Variants in KCNG3 observed in about 807,000 individuals in gnomAD.
KCNG3 encodes voltage-gated potassium channel regulatory subunit KCNG3.
Under a neutral mutation model 29.0 loss-of-function variants are expected in KCNG3, and 15 were observed. The observed-to-expected ratio is 0.52, with a 90% CI of 0.35 to 0.80. The LOEUF (loss-of-function observed/expected upper bound fraction) is 0.80. KCNG3 is among the 30% of genes least tolerant of loss of function. KCNG3 has a pLI of 0.01. For missense variants in KCNG3, 512 were observed against 605.7 expected, an observed-to-expected ratio of 0.85 and a Z score of 1.62; for synonymous variants, 322 against 248.9, an observed-to-expected ratio of 1.29 and a Z score of -2.76.
At chr2:42,473,260 T>C (rs185879830) in intron 1 of KCNG3, among the ~76,000 whole-genome samples, 22 of 152,220 alleles carry the variant, frequency 1.4e-4, no homozygotes, top group African/African-American at 5.3e-4. Context: ...ATTAATTGTG[T>C]TATCATCTAT....
chr2:42,417,587 G>A, the KCNG3 span, among the ~76,000 whole-genome samples: 1 of 152,164 alleles, frequency 6.6e-6, no homozygotes, highest in Non-Finnish European at 1.5e-5. Flanking sequence ...CTCCTAAAGT[G>A]CTGGGACTAC....
rs1491559721 is a variant in KCNG3 at position 42,452,244 on chromosome 2, T to TATATA, written c.666-7666_666-7665insTATAT. Among the ~76,000 whole-genome samples, 228 of 56,988 alleles carry TATATA rather than the reference T, an allele frequency of 4.0e-3. 1 individual carries two copies. The highest frequency in any genetic ancestry group is 5.2e-3 in the South Asian group (11 of 2,114). The allele number at this position is 56,988 out of a possible 152,430, so 37.4% of individuals were successfully genotyped here. On this transcript the variant is annotated intron_variant, in intron 1 of 1. Transcript: ENST00000306078. ...AAATATATATATATATATATATATATTTTTTTTTTTTTTTTAAAGGAAACA... is the reference window on the plus strand; with the variant it reads ...AAATATATATATATATATATATATATATATATTTTTTTTTTTTTTTAAAGGAAACA...
chr2:42,402,464 T>C, the KCNG3 span, among the ~76,000 whole-genome samples: 3 of 152,194 alleles, frequency 2.0e-5, no homozygotes, highest in African/African-American at 7.2e-5. Context: ...GGTGGGAGGA[T>C]TGCTTGAGCC....
At chr2:42,419,071 A>G in the KCNG3 span, among the ~76,000 whole-genome samples, 3 of 151,908 alleles carry the variant, frequency 2.0e-5, no homozygotes, top group Non-Finnish European at 4.4e-5. Context: ...GTAAAATGCT[A>G]CCCTTGTGTA....
At chr2:42,481,529 A>C (rs1673584382) in intron 1 of KCNG3, among the ~76,000 whole-genome samples, 1 of 152,188 alleles carries the variant, frequency 6.6e-6, no homozygotes, top group African/African-American at 2.4e-5. Context: ...AAATTAAGCC[A>C]AATTCTCTAT....
At chr2:42,470,851 T>C (rs1673266890) in intron 1 of KCNG3, among the ~76,000 whole-genome samples, 1 of 150,064 alleles carries the variant, frequency 6.7e-6, no homozygotes, top group Admixed American at 6.6e-5. Flanking sequence ...AGCAAGACCT[T>C]GTCTCAAAAA....
In KCNG3 at chr2:42,442,362, C is replaced by G. The variant is rs1672504277; in HGVS notation, c.*1572G>C. On this transcript the variant is annotated 3_prime_UTR_variant, in exon 2 of 2. Coordinates refer to ENST00000306078, the MANE Select transcript of KCNG3 (RefSeq NM_133329.6). ...GATTTTTCCAGGCTTTTCTCAGAAC[C>G]CAGAGATGTGTGAAGATTAACCTGC... The G allele has an allele frequency of 6.6e-6, 1 of 152,158 alleles. No individual in the cohort carries two copies. Among genetic ancestry groups the G allele is most frequent in the African/African-American group, 2.4e-5 (1 of 41,420 alleles). The allele number at this position is 152,158 out of a possible 1,614,324, so 9.4% of individuals were successfully genotyped here. A position where few individuals can be genotyped will look rare whatever the true frequency, so the allele number is the denominator to read the frequency against.
At chr2:42,390,313 TA>T in the KCNG3 span, among the ~76,000 whole-genome samples, 2 of 152,216 alleles carry the variant, frequency 1.3e-5, no homozygotes, top group African/African-American at 4.8e-5. Context: ...TAAAATCTTT[TA>T]AGCTCCTTTA....
chr2:42,457,422 G>A (rs1232047729), intron 1 of KCNG3, among the ~76,000 whole-genome samples: 3 of 151,908 alleles, frequency 2.0e-5, no homozygotes, highest in Admixed American at 6.6e-5. Context: ...TGAGCCTGGG[G>A]AGGTTGAAGC....
chr2:42,398,356 T>C, the KCNG3 span, among the ~76,000 whole-genome samples: 1 of 152,130 alleles, frequency 6.6e-6, no homozygotes, highest in Non-Finnish European at 1.5e-5. Flanking sequence ...ATCATTTTGG[T>C]GGCCCTTGTT....
At chr2:42,421,832 A>G in the KCNG3 span, among the ~76,000 whole-genome samples, 1 of 152,198 alleles carries the variant, frequency 6.6e-6, no homozygotes, top group Non-Finnish European at 1.5e-5. Flanking sequence ...TCAGCCCCAC[A>G]CAGTGGACAA....
At chr2:42,396,895 G>T in the KCNG3 span, among the ~76,000 whole-genome samples, 3 of 152,190 alleles carry the variant, frequency 2.0e-5, no homozygotes, top group Admixed American at 2.0e-4. Context: ...TTAAAAGAAT[G>T]TTAGTTGTTT....
chr2:42,488,528 G>A (rs1673784937), intron 1 of KCNG3, among the ~76,000 whole-genome samples: 1 of 151,100 alleles, frequency 6.6e-6, no homozygotes, highest in South Asian at 2.1e-4. Context: ...GCTGTTTCCT[G>A]ATAGACCTTA....
intron 1 of KCNG3, among the ~76,000 whole-genome samples, chr2:42,481,154 G>A (rs544195925): frequency 4.8e-4 from 73 of 152,304 alleles, no homozygotes; most frequent in Admixed American, 4.3e-3. Flanking sequence ...GCGGGTTATA[G>A]TCTGCCCACC....
chr2:42,440,552 A>G (rs1672451281), downstream of KCNG3: 1 of 152,084 alleles, frequency 6.6e-6, no homozygotes, highest in Non-Finnish European at 1.5e-5. Context: ...AATTCTCCCA[A>G]CACCAACATC....
intron 1 of KCNG3, chr2:42,463,473 G>T: frequency 6.1e-6 from 1 of 162,966 alleles, no homozygotes; most frequent in South Asian, 1.7e-4. Context: ...TGTGAAGCTG[G>T]AATTCATCAA....
intron 1 of KCNG3, among the ~76,000 whole-genome samples, chr2:42,478,938 A>T (rs1372427180): frequency 6.7e-6 from 1 of 150,296 alleles, no homozygotes; most frequent in African/African-American, 2.5e-5. Flanking sequence ...TTGGGACTAG[A>T]AGTATTTCAG....
intron 1 of KCNG3, among the ~76,000 whole-genome samples, chr2:42,483,058 T>C (rs937532482): frequency 1.3e-5 from 2 of 151,778 alleles, no homozygotes; most frequent in Admixed American, 1.3e-4. Context: ...GAGGCAGAGG[T>C]TGCAGTGAAA....
At chr2:42,412,902 C>T in the KCNG3 span, among the ~76,000 whole-genome samples, 10 of 152,234 alleles carry the variant, frequency 6.6e-5, no homozygotes, top group Admixed American at 1.3e-4. Flanking sequence ...TTAATTACTA[C>T]GTCACATTTT....
Sources: gnomAD v4.1 joint callset for allele counts (sites outside exome capture counted in the v4.1 genomes callset) on GRCh38, gnomAD v4.1.1 for gene constraint, MANE v1.5 for transcripts, NCBI Gene and HGNC (gene_info 2026-07-23, HGNC 2026-07-21) for gene names.